The following CNTNAP3B variants were observed in gnomAD, a reference collection of about 807,000 sequenced individuals.
CNTNAP3B encodes the protein contactin associated protein family member 3B, also known as contactin-associated protein-like 3B.
A neutral mutation model predicts 108.9 loss-of-function variants in CNTNAP3B; 25 were observed. The observed-to-expected ratio is 0.23, with a 90% confidence interval of 0.17 to 0.32. The LOEUF (loss-of-function observed/expected upper bound fraction) is 0.32, where lower values mean the gene tolerates loss of function less well. Ranked by LOEUF, CNTNAP3B falls within the 10% of genes least tolerant of loss-of-function variation. The pLI is 1.00. For synonymous variants in CNTNAP3B, 103 were observed against 473.4 expected (o/e 0.22, Z 10.16); for missense variants, 252 against 1,210.4 (o/e 0.21, Z 11.75).
At chr9:41,913,549 A>T (rs1222909532) in intron 18 of CNTNAP3B, among the ~76,000 whole-genome samples, 1 of 142,584 alleles carries the variant, frequency 7.0e-6, no homozygotes, top group South Asian at 2.2e-4. Flanking sequence ...CCACTTAACC[A>T]TTTAAAATAT....
rs375318027 is a variant in CNTNAP3B, at chr9:42,112,402, G to T, written c.86-7663C>A. ...CACACAGCAGCCATGTGCGGCGGCA[G>T]ATGGGGATGAGAGGGAACAGGAGAA... On this transcript the variant is annotated intron_variant, in intron 1 of 23. Transcript: ENST00000377561. 5.7e-5 allele frequency among the ~76,000 whole-genome samples: 8 copies of T among 139,306 alleles called. 2 individuals are homozygous for T. Among genetic ancestry groups the T allele is most frequent in the East Asian group, 2.2e-4 (1 of 4,596 alleles). 91.4% of individuals were successfully genotyped at this position (139,306 alleles called of 152,430 possible).
At chr9:42,042,473 T>C (rs1355478273) in intron 3 of CNTNAP3B, among the ~76,000 whole-genome samples, 4 of 141,542 alleles carry the variant, frequency 2.8e-5, no homozygotes, top group Non-Finnish European at 3.0e-5. Context: ...AATCCAACTG[T>C]GATTAAGAAT....
chr9:42,118,090 C>A (rs1351714338), intron 1 of CNTNAP3B, among the ~76,000 whole-genome samples: 1 of 136,462 alleles, frequency 7.3e-6, no homozygotes, highest in Non-Finnish European at 1.6e-5. Flanking sequence ...CCAATTCTAC[C>A]AGAGGTACAA....
rs1254545763 is a variant in CNTNAP3B at position 42,118,302 on chromosome 9, G to A, written c.85+10708C>T. ...ATAAAATACTGGCAAACTGAATACA[G>A]CAACACATCAAAAAGCTTATCCACC... is the stretch of plus-strand genomic sequence containing the variant. On this transcript the variant is annotated intron_variant, in intron 1 of 23. Transcript: ENST00000377561. Among the ~76,000 whole-genome samples the A allele has an allele frequency of 1.4e-5, 2 of 139,358 alleles. 1 individual carries two copies. The highest frequency in any genetic ancestry group is 1.4e-4 in the Admixed American group (2 of 14,050). The allele number at this position is 139,358 out of a possible 152,430, so 91.4% of individuals were successfully genotyped here. A position where few individuals can be genotyped will look rare whatever the true frequency, so the allele number is the denominator to read the frequency against.
intron 3 of CNTNAP3B, among the ~76,000 whole-genome samples, chr9:42,014,651 C>CA (rs1826189296): frequency 2.6e-5 from 2 of 77,182 alleles, no homozygotes; most frequent in South Asian, 9.8e-4. Context: ...ATTAGCCGGG[C>CA]ATGGTGGTGG....
At chr9:42,023,979 T>A (rs898690883) in intron 3 of CNTNAP3B, among the ~76,000 whole-genome samples, 3 of 151,628 alleles carry the variant, frequency 2.0e-5, no homozygotes, top group African/African-American at 7.3e-5. Context: ...TGCAGAAAAA[T>A]ACTTAGTTGG....
At chr9:41,945,405 G>A (rs1458526518) in intron 13 of CNTNAP3B, among the ~76,000 whole-genome samples, 12 of 152,420 alleles carry the variant, frequency 7.9e-5, no homozygotes, top group African/African-American at 2.4e-4. Context: ...AGAAAATGTG[G>A]CACATATATA....
chr9:42,054,322 C>T (rs1424944685), intron 3 of CNTNAP3B, among the ~76,000 whole-genome samples: 1 of 132,078 alleles, frequency 7.6e-6, no homozygotes, highest in African/African-American at 3.0e-5. Context: ...TTTAGTTTTG[C>T]TGCAGAAATG....
intron 12 of CNTNAP3B, among the ~76,000 whole-genome samples, chr9:41,959,086 G>T (rs1213501065): frequency 7.0e-6 from 1 of 143,072 alleles, no homozygotes; most frequent in African/African-American, 2.7e-5. Context: ...ATATAAGCCT[G>T]CCTGTCTCTC....
intron 7 of CNTNAP3B, among the ~76,000 whole-genome samples, chr9:41,995,929 A>G (rs1277987936): frequency 2.8e-5 from 4 of 144,296 alleles, no homozygotes; most frequent in African/African-American, 1.1e-4. Flanking sequence ...CCAGCTACTC[A>G]GGAGGCTGAG....
chr9:41,950,579 T>C (rs1211025108), intron 13 of CNTNAP3B, among the ~76,000 whole-genome samples: 1 of 140,780 alleles, frequency 7.1e-6, no homozygotes. Flanking sequence ...ATATACACAA[T>C]TATGCAAATG....
At chr9:41,945,480 G>T (rs1436634193) in intron 13 of CNTNAP3B, among the ~76,000 whole-genome samples, 1 of 152,308 alleles carries the variant, frequency 6.6e-6, no homozygotes, top group Admixed American at 6.5e-5. Flanking sequence ...CATGGATGAA[G>T]CTGGAAACCA....
At chr9:41,962,700 A>G (rs1375409786) in intron 11 of CNTNAP3B, among the ~76,000 whole-genome samples, 1 of 146,344 alleles carries the variant, frequency 6.8e-6, no homozygotes, top group Admixed American at 6.8e-5. Flanking sequence ...TCATGCCTGT[A>G]ATCCCAGCGC....
chr9:41,936,311 C>A (rs1206366804), intron 14 of CNTNAP3B, among the ~76,000 whole-genome samples: 78 of 149,892 alleles, frequency 5.2e-4, no homozygotes, highest in African/African-American at 1.8e-3. Flanking sequence ...TAACATTCTT[C>A]GAACTAAGTT....
intron 10 of CNTNAP3B, 144 bp from the exon 11 acceptor site, chr9:41,964,788 T>G: frequency 1.1e-6 from 1 of 894,314 alleles, no homozygotes; most frequent in Admixed American, 3.0e-5. Context: ...ATCAAGGTTC[T>G]CTAATTATAT....
At position 42,107,744 on chromosome 9, in the gene CNTNAP3B, G is replaced by A. The variant is rs1828110252; in HGVS notation, c.86-3005C>T. Among the ~76,000 whole-genome samples, 2 of 138,130 alleles carry A rather than the reference G, an allele frequency of 1.4e-5. 1 individual carries two copies. Among genetic ancestry groups the A allele is most frequent in the African/African-American group, 5.8e-5 (2 of 34,666 alleles). 90.6% of individuals were successfully genotyped at this position (138,130 alleles called of 152,430 possible). A position where few individuals can be genotyped will look rare whatever the true frequency, so the allele number is the denominator to read the frequency against. ...TAATCCCAACACTTTGGGAGACCAA[G>A]GCGGGTGGATCACAAGGTCAGGAGA... On this transcript the variant is annotated intron_variant, in intron 1 of 23. Transcript: ENST00000377561.
At chr9:41,960,037 C>G (rs182332517) in intron 12 of CNTNAP3B, 6 of 147,784 alleles carry the variant, frequency 4.1e-5, no homozygotes, top group African/African-American at 1.5e-4. Flanking sequence ...CTTGCTCTGT[C>G]GCCAGGCTGG....
intron 3 of CNTNAP3B, among the ~76,000 whole-genome samples, chr9:42,037,519 A>T (rs1826657502): frequency 7.8e-6 from 1 of 128,892 alleles, no homozygotes; most frequent in South Asian, 2.6e-4. Context: ...CAACTGGAAG[A>T]AAGGGTATCA....
intron 2 of CNTNAP3B, among the ~76,000 whole-genome samples, chr9:42,095,050 A>T (rs1827872734): frequency 7.4e-6 from 1 of 135,814 alleles, no homozygotes; most frequent in Non-Finnish European, 1.6e-5. Flanking sequence ...AAATTCTCTC[A>T]TATATTTCAA....
Sources: allele counts gnomAD v4.1 joint callset (sites outside exome capture counted in the v4.1 genomes callset), GRCh38; gene constraint gnomAD v4.1.1; transcripts MANE v1.5; gene names NCBI Gene and HGNC (gene_info 2026-07-23, HGNC 2026-07-21).